ECT2L: variants seen among roughly 807,000 people sequenced by gnomAD.
The protein encoded by ECT2L is epithelial cell transforming 2 like, also known as epithelial cell-transforming sequence 2 oncogene-like.
In ECT2L, 126 loss-of-function variants were observed where a neutral mutation model predicts 122.8. That is an observed-to-expected ratio of 1.03 (90% confidence interval 0.89 to 1.19). ECT2L has a LOEUF of 1.19. Ranked by LOEUF, ECT2L falls within the 50% of genes most tolerant of loss-of-function variation. ECT2L has a pLI of 0.00. For synonymous variants in ECT2L, 385 were observed against 381.8 expected (o/e 1.01, Z -0.10); for missense variants, 1,012 against 1,064.1 (o/e 0.95, Z 0.68).
intron 20 of ECT2L, among the ~76,000 whole-genome samples, chr6:138,892,974 C>CT (rs1461048101): frequency 3.3e-5 from 5 of 152,138 alleles, no homozygotes; most frequent in Non-Finnish European, 7.3e-5. Context: ...TCCCTATCAT[C>CT]TTTGGGTTTC....
At chr6:138,844,048 T>G (rs1410250810) in intron 6 of ECT2L, among the ~76,000 whole-genome samples, 1 of 152,138 alleles carries the variant, frequency 6.6e-6, no homozygotes, top group Non-Finnish European at 1.5e-5. Flanking sequence ...TGATTAGAGT[T>G]CTCCCATGTT....
rs1032766404 is a variant in ECT2L, at chr6:138,837,490, C to T, written c.180-862C>T. ...CTACACATTCAGGAGAAATGACTGG[C>T]ATTTCAGAATGTGGCCAGCTTTGTG... On this transcript the variant is annotated intron_variant, in intron 4 of 21. Coordinates refer to ENST00000541398, the MANE Select transcript of ECT2L (RefSeq NM_001077706.3). 2.0e-5 allele frequency among the ~76,000 whole-genome samples: 3 copies of T among 152,092 alleles called. No individual in the cohort carries two copies. The East Asian group carries it at 5.8e-4, about 29-fold the overall frequency.
chr6:138,875,039 A>G (rs1778392858), intron 13 of ECT2L, among the ~76,000 whole-genome samples: 1 of 152,166 alleles, frequency 6.6e-6, no homozygotes, highest in African/African-American at 2.4e-5. Flanking sequence ...GTGAGCAAAT[A>G]TTGCACCACT....
At chr6:138,847,850 G>A (rs1399933016) in intron 8 of ECT2L, among the ~76,000 whole-genome samples, 1 of 152,096 alleles carries the variant, frequency 6.6e-6, no homozygotes, top group African/African-American at 2.4e-5. Flanking sequence ...GTGTGTATTA[G>A]TCTGTTCTCA....
At chr6:138,803,076 CA>C (rs57166230) in intron 1 of ECT2L, among the ~76,000 whole-genome samples, 36 of 94,298 alleles carry the variant, frequency 3.8e-4, no homozygotes, top group South Asian at 5.1e-4. Context: ...GAGACTGTCT[CA>C]AAAAAAAAAA....
chr6:138,873,330 G>A (rs892004507), intron 13 of ECT2L, among the ~76,000 whole-genome samples: 6 of 152,308 alleles, frequency 3.9e-5, no homozygotes, highest in East Asian at 3.9e-4. Flanking sequence ...GAACAAATGC[G>A]GAGACCTCTA....
At position 138,814,049 on chromosome 6, in the gene ECT2L, A is replaced by T. The variant is rs148611828; in HGVS notation, c.67-442A>T. On this transcript the variant is annotated intron_variant, in intron 3 of 21. Coordinates refer to ENST00000541398, the MANE Select transcript of ECT2L (RefSeq NM_001077706.3). ...TTTCATCTTGGTGGGTGCTATAAAG[A>T]TCCAGGGTTGTGAGTTAGTGAAGTT... Among the ~76,000 whole-genome samples the T allele has an allele frequency of 3.2e-3, 490 of 152,130 alleles. 4 individuals are homozygous for T. Among genetic ancestry groups the T allele is most frequent in the African/African-American group, 0.012 (478 of 41,498 alleles).
rs1246313296 is a variant in ECT2L at position 138,812,959 on chromosome 6, CA to C, written c.-121del. The C allele has an allele frequency of 4.1e-6, 1 of 242,580 alleles. No individual in the cohort carries two copies. The highest frequency in any genetic ancestry group is 7.8e-6 in the Non-Finnish European group (1 of 128,430). 15.0% of individuals were successfully genotyped at this position (242,580 alleles called of 1,614,324 possible). On this transcript the variant is annotated 5_prime_UTR_variant, in exon 2 of 22. Transcript: ENST00000541398. ...GTAAAAAACAACTTTTGTTTAAATT[CA>C]GATTTGGGTGAAAGCAGGTAAGAAT...
At position 138,881,077 on chromosome 6, in the gene ECT2L, C is replaced by T; in HGVS notation, c.1786C>T (p.Leu596=). Residue 596 remains leucine, a synonymous_variant, in exon 15 of 22, where the codon CTG becomes TTG. Transcript: ENST00000541398. The part of the protein sequence containing the change: ...EIVRDVYVAP[L]KAALSSNRAI... ...TGTGAGAGATGTTTATGTCGCACCA[C>T]TGAAAGCAGCATTGTCATCAAACAG... 6.2e-7 allele frequency: 1 copy of T among 1,614,180 alleles called. No individual in the cohort carries two copies.
At chr6:138,871,884 A>G (rs1345091561) in intron 13 of ECT2L, among the ~76,000 whole-genome samples, 1 of 151,922 alleles carries the variant, frequency 6.6e-6, no homozygotes, top group African/African-American at 2.4e-5. Context: ...CACAACCCTT[A>G]CTTTAATCCT....
chr6:138,820,044 A>G (rs1458854163), intron 4 of ECT2L, among the ~76,000 whole-genome samples: 1 of 152,148 alleles, frequency 6.6e-6, no homozygotes, highest in East Asian at 1.9e-4. Context: ...GACACTGTTG[A>G]TTACTGGCCC....
At chr6:138,834,182 G>A (rs911752790) in intron 4 of ECT2L, among the ~76,000 whole-genome samples, 12 of 152,118 alleles carry the variant, frequency 7.9e-5, no homozygotes, top group Middle Eastern at 3.2e-3. Context: ...CACCATCCTC[G>A]TCACAATAAA....
Position 138,902,579 on chromosome 6 carries a change from A to C in ECT2L, c.2667A>C (p.Leu889=). 6.2e-7 allele frequency: 1 copy of C among 1,613,988 alleles called. No homozygotes were observed. Among genetic ancestry groups the C allele is most frequent in the Non-Finnish European group, 8.5e-7 (1 of 1,179,924 alleles). ...CAGAAATAGAGGATGATAAGTTCCT[A>C]TGGCTGTCAGTACTTCGAAATGCAA... The part of the protein sequence containing the change: ...CATEIEDDKF[L]WLSVLRNAIK... The change falls in exon 22 of 22, where the codon CTA becomes CTC. Residue 889 remains leucine (L), a synonymous_variant. Coordinates refer to ENST00000541398, the MANE Select transcript of ECT2L (RefSeq NM_001077706.3).
intron 10 of ECT2L, among the ~76,000 whole-genome samples, chr6:138,854,413 C>A (rs888906487): frequency 2.0e-5 from 3 of 152,082 alleles, no homozygotes; most frequent in Admixed American, 1.3e-4. Flanking sequence ...CTGGAAAACA[C>A]AATAACACCA....
At chr6:138,820,135 G>A (rs533020535) in intron 4 of ECT2L, among the ~76,000 whole-genome samples, 5 of 152,224 alleles carry the variant, frequency 3.3e-5, no homozygotes, top group African/African-American at 1.2e-4. Context: ...CTATGCTTCA[G>A]GAGTGGCTGG....
chr6:138,870,787 T>A (rs1409166508), intron 13 of ECT2L, among the ~76,000 whole-genome samples: 1 of 152,162 alleles, frequency 6.6e-6, no homozygotes, highest in Non-Finnish European at 1.5e-5. Context: ...GGCGGGCAGA[T>A]CATTTGAGGT....
intron 4 of ECT2L, among the ~76,000 whole-genome samples, chr6:138,834,686 A>G (rs1776761416): frequency 6.6e-6 from 1 of 152,184 alleles, no homozygotes. Context: ...CCTGAAGTCT[A>G]ACTCAGGCAA....
chr6:138,833,825 A>T (rs944643890), intron 4 of ECT2L, among the ~76,000 whole-genome samples: 6 of 151,442 alleles, frequency 4.0e-5, no homozygotes, highest in Admixed American at 3.3e-4. Context: ...TAAATAATTA[A>T]AAAAAAATGC....
At chr6:138,864,973 A>G (rs367875653) in intron 11 of ECT2L, 23 bp from the exon 12 acceptor site, 1 of 1,599,098 alleles carries the variant, frequency 6.3e-7, no homozygotes, top group African/African-American at 1.3e-5. Context: ...GCCTGCAATA[A>G]TAACAGAAGA....
Sources: gnomAD v4.1 joint callset for allele counts (sites outside exome capture counted in the v4.1 genomes callset) on GRCh38, gnomAD v4.1.1 for gene constraint, MANE v1.5 for transcripts, NCBI Gene and HGNC (gene_info 2026-07-23, HGNC 2026-07-21) for gene names.